MALRD1: variants seen among roughly 807,000 people sequenced by gnomAD.
MALRD1 encodes the protein MAM and LDL-receptor class A domain-containing protein 1.
MALRD1 carries 247 observed loss-of-function variants against 242.1 expected under a neutral mutation model. The ratio of observed to expected loss-of-function variants is 1.02; its 90% confidence interval spans 0.92 to 1.13. MALRD1 has a LOEUF of 1.13. Ranked by LOEUF, MALRD1 falls within the 50% of genes most tolerant of loss-of-function variation. The pLI, the probability that MALRD1 is intolerant of heterozygous loss-of-function variation, is 0.00. For missense variants in MALRD1, 2,989 were observed against 2,533.1 expected, an observed-to-expected ratio of 1.18 and a Z score of -3.86; for synonymous variants, 995 against 866.6, an observed-to-expected ratio of 1.15 and a Z score of -2.60.
chr10:19,303,362 CTT>C (rs1250818003), intron 21 of MALRD1, among the ~76,000 whole-genome samples: 2 of 151,530 alleles, frequency 1.3e-5, no homozygotes, highest in Non-Finnish European at 3.0e-5. Context: ...TTGGGTATCT[CTT>C]ATAACTTATT....
At chr10:19,231,307 A>C (rs187025351) in intron 18 of MALRD1, among the ~76,000 whole-genome samples, 2 of 152,138 alleles carry the variant, frequency 1.3e-5, no homozygotes, top group African/African-American at 2.4e-5. Context: ...CTTTTTCCCC[A>C]CAGTTGTTGG....
chr10:19,734,247 G>T lies in MALRD1; in HGVS notation c.*10G>T, dbSNP rs1835406114. On this transcript the variant is annotated 3_prime_UTR_variant, in exon 40 of 40. Coordinates refer to ENST00000454679, the MANE Select transcript of MALRD1 (RefSeq NM_001142308.3). ...ACATCATCTCAAATAGCAGCATCGAGACCAAGTCTGATCCAACATGTGTAG... is the reference window on the plus strand; with the variant it reads ...ACATCATCTCAAATAGCAGCATCGATACCAAGTCTGATCCAACATGTGTAG... 1 of 1,529,662 alleles carries T rather than the reference G, an allele frequency of 6.5e-7. No individual in the cohort carries two copies. The allele number at this position is 1,529,662 out of a possible 1,614,324, so 94.8% of individuals were successfully genotyped here.
At chr10:19,321,969 G>A (rs1002415672) in intron 21 of MALRD1, among the ~76,000 whole-genome samples, 1 of 152,114 alleles carries the variant, frequency 6.6e-6, no homozygotes, top group Non-Finnish European at 1.5e-5. Context: ...TAAGCAAGAG[G>A]TAGTAAAAAT....
At position 19,104,027 on chromosome 10, in the gene MALRD1, A is replaced by G; in HGVS notation, c.646A>G (p.Ile216Val). The G allele has an allele frequency of 1.6e-6, 2 of 1,233,860 alleles. No homozygotes were observed. The highest frequency in any genetic ancestry group is 2.0e-6 in the Non-Finnish European group (2 of 988,116). 76.4% of individuals were successfully genotyped at this position (1,233,860 alleles called of 1,614,324 possible). A position where few individuals can be genotyped will look rare whatever the true frequency, so the allele number is the denominator to read the frequency against. ...TTCAACGTATGAACAGGATGAAGTC[A>G]TTGCTATTGATGATATATCTTTCAG... ...MASTYEQDEVIAIDDISFSSG... is the reference protein window; with the variant it reads ...MASTYEQDEVVAIDDISFSSG... Residue 216 changes from isoleucine (I) to valine (V), a missense_variant, in exon 5 of 40, where the codon ATT becomes GTT. Physicochemically the swap from Ile to Val is conservative, Grantham distance 29. Transcript: ENST00000454679.
At chr10:19,167,311 ATGG>A (rs1347087832) in intron 13 of MALRD1, among the ~76,000 whole-genome samples, 3 of 152,186 alleles carry the variant, frequency 2.0e-5, no homozygotes, top group Admixed American at 6.5e-5. Context: ...GTGAGCTGAC[ATGG>A]CGCCACTGCA....
chr10:19,503,804 C>A (rs1838080004), intron 31 of MALRD1, among the ~76,000 whole-genome samples: 1 of 152,072 alleles, frequency 6.6e-6, no homozygotes, highest in Admixed American at 6.6e-5. Flanking sequence ...TGGAACTATC[C>A]CCTACTATAT....
chr10:19,119,904 G>A (rs549535831), intron 5 of MALRD1, among the ~76,000 whole-genome samples: 2 of 152,254 alleles, frequency 1.3e-5, no homozygotes, highest in South Asian at 2.1e-4. Context: ...AGATGGAGTC[G>A]ATTAAATTAG....
chr10:19,666,001 G>A (rs912446047), intron 36 of MALRD1, among the ~76,000 whole-genome samples: 3 of 151,942 alleles, frequency 2.0e-5, no homozygotes, highest in East Asian at 1.9e-4. Context: ...TCAAATGGTC[G>A]GAATTCAAAC....
At chr10:19,730,181 A>G (rs1835231159) in intron 38 of MALRD1, among the ~76,000 whole-genome samples, 1 of 152,234 alleles carries the variant, frequency 6.6e-6, no homozygotes, top group South Asian at 2.1e-4. Context: ...ACACTACCCT[A>G]AAGAACTTTT....
chr10:19,130,265 G>A (rs558059159), intron 8 of MALRD1, among the ~76,000 whole-genome samples: 1 of 152,036 alleles, frequency 6.6e-6, no homozygotes, highest in East Asian at 1.9e-4. Flanking sequence ...AAATTTAACT[G>A]TATCCACGTA....
At chr10:19,140,027 G>A (rs1833483944) in intron 10 of MALRD1, among the ~76,000 whole-genome samples, 1 of 152,110 alleles carries the variant, frequency 6.6e-6, no homozygotes, top group South Asian at 2.1e-4. Flanking sequence ...TAGTCCTTAA[G>A]AGCATCAATA....
At chr10:19,265,136 A>C (rs187816537) in intron 19 of MALRD1, among the ~76,000 whole-genome samples, 1 of 151,988 alleles carries the variant, frequency 6.6e-6, no homozygotes, top group Non-Finnish European at 1.5e-5. Context: ...TGTTTTTCTT[A>C]TCTAAATGGT....
Position 19,734,299 on chromosome 10 carries a change from TC to T in MALRD1, c.*63del, listed in dbSNP as rs1187158394. 8 of 1,331,462 alleles carry T rather than the reference TC, an allele frequency of 6.0e-6. No homozygotes were observed. The Admixed American group carries it at 1.6e-4, about 27-fold the overall frequency. 82.5% of individuals were successfully genotyped at this position (1,331,462 alleles called of 1,614,324 possible). A position where few individuals can be genotyped will look rare whatever the true frequency, so the allele number is the denominator to read the frequency against. ...TTCTAGAAAATTGAAGTCTCCACAA[TC>T]TGATAGAAACTCATCTTCTACAATG... On this transcript the variant is annotated 3_prime_UTR_variant, in exon 40 of 40. Transcript: ENST00000454679.
At chr10:19,686,297 C>A (rs1052189200) in intron 36 of MALRD1, among the ~76,000 whole-genome samples, 1 of 152,126 alleles carries the variant, frequency 6.6e-6, no homozygotes, top group Non-Finnish European at 1.5e-5. Context: ...CATCCCTTCT[C>A]CCCTGATTCT....
intron 26 of MALRD1, among the ~76,000 whole-genome samples, chr10:19,383,300 G>T (rs968471643): frequency 1.3e-5 from 2 of 152,068 alleles, no homozygotes; most frequent in South Asian, 4.1e-4. Flanking sequence ...GAGAACATAC[G>T]GTATTGGCTT....
chr10:19,201,231 T>C (rs140273036), intron 14 of MALRD1, among the ~76,000 whole-genome samples: 64 of 152,294 alleles, frequency 4.2e-4, no homozygotes, highest in African/African-American at 1.4e-3. Context: ...ACTAATTTAA[T>C]TGATTATTAC....
At chr10:19,605,163 AT>A (rs35550319) in intron 34 of MALRD1, among the ~76,000 whole-genome samples, 78,000 of 138,848 alleles carry the variant, frequency 0.56, 21,425 homozygotes, top group African/African-American at 0.72. Context: ...TTTTATTATT[AT>A]TTTTTTTTTT....
chr10:19,305,624 C>A (rs997533159), intron 21 of MALRD1, among the ~76,000 whole-genome samples: 4 of 150,642 alleles, frequency 2.7e-5, no homozygotes, highest in Admixed American at 6.7e-5. Context: ...CCTATGTCTT[C>A]ATTTCATTGT....
intron 28 of MALRD1, among the ~76,000 whole-genome samples, chr10:19,425,389 A>G (rs1323153959): frequency 1.3e-5 from 2 of 152,194 alleles, no homozygotes; most frequent in Non-Finnish European, 2.9e-5. Flanking sequence ...ATTAAGGAAT[A>G]GTAGCATTGA....
Sources: gnomAD v4.1 joint callset for allele counts (sites outside exome capture counted in the v4.1 genomes callset) on GRCh38, gnomAD v4.1.1 for gene constraint, MANE v1.5 for transcripts, NCBI Gene and HGNC (gene_info 2026-07-23, HGNC 2026-07-21) for gene names.